RFX4: variants seen among roughly 807,000 people sequenced by gnomAD.
RFX4 encodes the protein regulatory factor X4.
A neutral mutation model predicts 95.0 loss-of-function variants in RFX4; 10 were observed. The observed-to-expected ratio is 0.11, with a 90% CI of 0.06 to 0.18. RFX4 has a LOEUF of 0.18. RFX4 is among the 10% of genes least tolerant of loss of function. RFX4 has a pLI of 1.00. For missense variants in RFX4, 640 were observed against 922.0 expected (o/e 0.69, Z 3.96); for synonymous variants, 321 against 340.7 (o/e 0.94, Z 0.64).
At chr12:106,597,159 C>T (rs1302792074) in intron 1 of RFX4, among the ~76,000 whole-genome samples, 1 of 152,162 alleles carries the variant, frequency 6.6e-6, no homozygotes, top group Admixed American at 6.5e-5. Flanking sequence ...GTCCTAAATA[C>T]AACGAATAGT....
At chr12:106,687,488 G>T (rs2041683699) in intron 6 of RFX4, among the ~76,000 whole-genome samples, 1 of 150,612 alleles carries the variant, frequency 6.6e-6, no homozygotes. Flanking sequence ...GGCAGAGGTT[G>T]CAGTGAGCCA....
chr12:106,596,340 C>T (rs2039619442), intron 1 of RFX4, among the ~76,000 whole-genome samples: 1 of 152,200 alleles, frequency 6.6e-6, no homozygotes, highest in Non-Finnish European at 1.5e-5. Context: ...TGATTTCCTC[C>T]TCCTTGCCTT....
intron 3 of RFX4, among the ~76,000 whole-genome samples, chr12:106,640,829 G>A (rs2137282790): frequency 6.8e-6 from 1 of 146,160 alleles, no homozygotes; most frequent in Middle Eastern, 3.8e-3. Context: ...CGCCCAGGCT[G>A]GAGTGCTGTG....
At chr12:106,757,997 G>A (rs902256744) in intron 17 of RFX4, among the ~76,000 whole-genome samples, 1 of 152,206 alleles carries the variant, frequency 6.6e-6, no homozygotes, top group Non-Finnish European at 1.5e-5. Context: ...TGGTAAACTG[G>A]TGACTTATGT....
At chr12:106,583,420 G>A (rs2039402738) in intron 1 of RFX4, 57 bp downstream of exon 1, 1 of 1,476,398 alleles carries the variant, frequency 6.8e-7, no homozygotes, top group Admixed American at 2.5e-5. Context: ...GAAGGGAGAG[G>A]GGGAACTTTA....
intron 17 of RFX4, 79 bp downstream of exon 17, chr12:106,750,872 T>C (rs556286789): frequency 7.6e-7 from 1 of 1,311,450 alleles, no homozygotes; most frequent in Non-Finnish European, 1.0e-6. Context: ...TCATAAACTG[T>C]TATGCATACT....
At chr12:106,591,203 T>C (rs962768990) in intron 1 of RFX4, among the ~76,000 whole-genome samples, 2 of 151,592 alleles carry the variant, frequency 1.3e-5, no homozygotes, top group African/African-American at 2.4e-5. Flanking sequence ...ATACGTAGCA[T>C]TTTAGCAAAA....
chr12:106,693,048 CT>C, intron 7 of RFX4: 1 of 392,606 alleles, frequency 2.5e-6, no homozygotes, highest in Non-Finnish European at 5.1e-6. Context: ...TGATTCTCTC[CT>C]TTCCCTCACC....
At chr12:106,729,122 G>A (rs191158631) in intron 13 of RFX4, among the ~76,000 whole-genome samples, 26 of 152,220 alleles carry the variant, frequency 1.7e-4, no homozygotes, top group Non-Finnish European at 3.1e-4. Context: ...CAAGAGAATG[G>A]TATAAAATGA....
In RFX4 at chr12:106,720,934, C is replaced by T. The variant is rs2042385584; in HGVS notation, c.1351+58C>T. ...CACTTTTTCCTCTGGGCACGGAGCC[C>T]AGAGGAATCTACCACAGTCTAACTT... On this transcript the variant is annotated intron_variant, in intron 13 of 17. Coordinates refer to ENST00000392842, the MANE Select transcript of RFX4 (RefSeq NM_213594.3). This position sits in a 1 kb window ranked among gnomAD's most constrained non-coding sequence, Gnocchi z 4.2. The T allele has an allele frequency of 1.4e-6, 2 of 1,444,788 alleles. No individual in the cohort carries two copies. Among genetic ancestry groups the T allele is most frequent in the Non-Finnish European group, 1.9e-6 (2 of 1,028,142 alleles). The allele number at this position is 1,444,788 out of a possible 1,614,324, so 89.5% of individuals were successfully genotyped here.
chr12:106,762,611 A>AC lies in RFX4; in HGVS notation c.*1144dup, dbSNP rs754141806. 9 of 152,600 alleles carry AC rather than the reference A, an allele frequency of 5.9e-5. No individual in the cohort carries two copies. The highest frequency in any genetic ancestry group is 1.2e-4 in the Non-Finnish European group (8 of 68,036). 9.5% of individuals were successfully genotyped at this position (152,600 alleles called of 1,614,324 possible). The stretch of plus-strand genomic sequence containing the variant: ...AAAATGCACCAAGCAATTATGGTGG[A>AC]CCTATTACCCTATGGGTAAGAAATA... On this transcript the variant is annotated 3_prime_UTR_variant, in exon 18 of 18. Transcript: ENST00000392842.
At position 106,720,723 on chromosome 12, in the gene RFX4, A is replaced by C; in HGVS notation, c.1234-36A>C. On this transcript the variant is annotated intron_variant, in intron 12 of 17. Transcript: ENST00000392842. This position sits in a 1 kb window ranked among gnomAD's most constrained non-coding sequence, Gnocchi z 4.2. ...AGAGACAGTAATAAATGAAAGGTCA[A>C]GTCGACCACTATTAAAGCCATTTAC... 13 of 1,583,806 alleles carry C rather than the reference A, an allele frequency of 8.2e-6. No individual in the cohort carries two copies. Among genetic ancestry groups the C allele is most frequent in the Non-Finnish European group, 9.5e-6 (11 of 1,152,620 alleles).
chr12:106,660,836 G>A (rs1029386827), intron 4 of RFX4, among the ~76,000 whole-genome samples: 12 of 152,242 alleles, frequency 7.9e-5, no homozygotes, highest in East Asian at 3.9e-4. Flanking sequence ...TGTGAACTGC[G>A]CTTGTGAGGG....
intron 4 of RFX4, 125 bp from the exon 5 acceptor site, chr12:106,681,868 C>T: frequency 4.4e-6 from 4 of 913,824 alleles, no homozygotes; most frequent in Non-Finnish European, 7.1e-6. Flanking sequence ...CTCACAGACT[C>T]CTATTAAGTC....
At chr12:106,689,582 C>T (rs1344257989) in intron 7 of RFX4, among the ~76,000 whole-genome samples, 2 of 152,144 alleles carry the variant, frequency 1.3e-5, no homozygotes, top group Non-Finnish European at 2.9e-5. Flanking sequence ...GGCTTGGCCT[C>T]CTCCTTTGAC....
chr12:106,745,704 A>C (rs1379240102), intron 15 of RFX4, among the ~76,000 whole-genome samples: 1 of 152,220 alleles, frequency 6.6e-6, no homozygotes, highest in African/African-American at 2.4e-5. Context: ...GCTGCAGAAA[A>C]TACAGAATGG....
intron 17 of RFX4, among the ~76,000 whole-genome samples, chr12:106,755,644 A>T (rs2067615): frequency 0.62 from 94,642 of 152,112 alleles, 31,235 homozygotes; most frequent in African/African-American, 0.86. Context: ...CTTATTTCTT[A>T]CGTTTATTGG....
chr12:106,596,854 T>A (rs1443697072), intron 1 of RFX4, among the ~76,000 whole-genome samples: 1 of 152,268 alleles, frequency 6.6e-6, no homozygotes, highest in Non-Finnish European at 1.5e-5. Context: ...ACATAGTTAG[T>A]GCTTAATAAA....
At chr12:106,746,461 G>A (rs140579635) in intron 15 of RFX4, among the ~76,000 whole-genome samples, 578 of 152,050 alleles carry the variant, frequency 3.8e-3, no homozygotes, top group African/African-American at 0.013. Context: ...GAGCCCGGGA[G>A]GTCAAGGCTG....
Sources: allele counts gnomAD v4.1 joint callset (sites outside exome capture counted in the v4.1 genomes callset), GRCh38; gene constraint gnomAD v4.1.1; non-coding constraint Gnocchi (gnomAD v3.1); transcripts MANE v1.5; gene names NCBI Gene and HGNC (gene_info 2026-07-23, HGNC 2026-07-21).